Variants in VAMP3 observed in about 807,000 individuals in gnomAD.
VAMP3 encodes vesicle associated membrane protein 3.
In VAMP3, 11 loss-of-function variants were observed where a neutral mutation model predicts 18.1. That is an observed-to-expected ratio of 0.61 (90% CI 0.38 to 1.00). The LOEUF (loss-of-function observed/expected upper bound fraction) is 1.00. Ranked by LOEUF, VAMP3 falls within the 50% of genes least tolerant of loss-of-function variation. The probability of loss-of-function intolerance (pLI) is 0.01; values close to 1 mark genes in which losing one functional copy is unlikely to be tolerated. For missense variants in VAMP3, 122 were observed against 127.3 expected (o/e 0.96, Z 0.20); for synonymous variants, 49 against 43.1 (o/e 1.14, Z -0.53).
intron 3 of VAMP3, among the ~76,000 whole-genome samples, chr1:7,777,636 G>C (rs2097054936): frequency 6.6e-6 from 1 of 152,196 alleles, no homozygotes; most frequent in Non-Finnish European, 1.5e-5. Context: ...GGCTGGAATT[G>C]GTCAGTTTTC....
chr1:7,775,740 A>AGAATCCACAGTC (rs2097054027), intron 2 of VAMP3, among the ~76,000 whole-genome samples: 1 of 152,236 alleles, frequency 6.6e-6, no homozygotes, highest in African/African-American at 2.4e-5. Flanking sequence ...TTGGTATATA[A>AGAATCCACAGTC]GAATCCACAG....
intron 2 of VAMP3, among the ~76,000 whole-genome samples, chr1:7,774,300 C>T (rs931621027): frequency 2.6e-5 from 4 of 151,958 alleles, no homozygotes; most frequent in African/African-American, 9.7e-5. Context: ...AGTAAGAAAC[C>T]CATTGTAATT....
At position 7,781,078 on chromosome 1, in the gene VAMP3, C is replaced by G. The variant is rs1425933940; in HGVS notation, c.*1433C>G. On this transcript the variant is annotated 3_prime_UTR_variant, in exon 5 of 5. Coordinates refer to ENST00000054666, the MANE Select transcript of VAMP3 (RefSeq NM_004781.4). ...ATATTCTAAAACTCTTGTTCACATG[C>G]TATTATGACTTATAAAGCAGCAACA... 1 of 152,824 alleles carries G rather than the reference C, an allele frequency of 6.5e-6. No homozygotes were observed. Among genetic ancestry groups the G allele is most frequent in the Non-Finnish European group, 1.5e-5 (1 of 68,050 alleles). The allele number at this position is 152,824 out of a possible 1,614,324, so 9.5% of individuals were successfully genotyped here. A position where few individuals can be genotyped will look rare whatever the true frequency, so the allele number is the denominator to read the frequency against.
At chr1:7,777,020 A>C (rs1374155748) in intron 2 of VAMP3, 140 bp from the exon 3 acceptor site, 3 of 825,684 alleles carry the variant, frequency 3.6e-6, no homozygotes, top group South Asian at 2.6e-5. Flanking sequence ...CATGTTGGCC[A>C]GGTTGGTCTC....
intron 1 of VAMP3, among the ~76,000 whole-genome samples, chr1:7,771,713 G>A (rs1034564915): frequency 2.0e-5 from 3 of 152,258 alleles, no homozygotes; most frequent in African/African-American, 7.2e-5. Context: ...GGGGACGACA[G>A]CCCTGGTTCG....
intron 2 of VAMP3, among the ~76,000 whole-genome samples, chr1:7,775,297 T>C (rs2097053731): frequency 6.6e-6 from 1 of 152,212 alleles, no homozygotes; most frequent in African/African-American, 2.4e-5. Flanking sequence ...GATTTGCAAA[T>C]ACTTTCTCCC....
chr1:7,777,412 G>A, intron 3 of VAMP3, 94 bp downstream of exon 3: 1 of 1,465,484 alleles, frequency 6.8e-7, no homozygotes. Context: ...ACGACTCTGG[G>A]AGGTGGGTTT....
In VAMP3 at chr1:7,779,779, G is replaced by C. The variant is rs1423214770; in HGVS notation, c.*134G>C. The C allele has an allele frequency of 8.1e-7, 1 of 1,235,860 alleles. No individual in the cohort carries two copies. Among genetic ancestry groups the C allele is most frequent in the African/African-American group, 1.5e-5 (1 of 65,806 alleles). 76.6% of individuals were successfully genotyped at this position (1,235,860 alleles called of 1,614,324 possible). A position where few individuals can be genotyped will look rare whatever the true frequency, so the allele number is the denominator to read the frequency against. On this transcript the variant is annotated 3_prime_UTR_variant, in exon 5 of 5. Transcript: ENST00000054666. ...GTGTTAATGTAAAGTTGAATTTCTA[G>C]GAAACGTGCCTTTGTTTTTTAATAT...
intron 1 of VAMP3, 79 bp downstream of exon 1, chr1:7,771,464 T>TGCCGCCG: frequency 7.1e-7 from 1 of 1,417,530 alleles, no homozygotes. Context: ...ACTGCCCAGT[T>TGCCGCCG]GCCGCCGGCC....
chr1:7,775,241 G>GT (rs35677190), intron 2 of VAMP3, among the ~76,000 whole-genome samples: 35 of 152,220 alleles, frequency 2.3e-4, no homozygotes, highest in Admixed American at 5.9e-4. Context: ...AGTTGTGAGA[G>GT]TTTTTTATGT....
chr1:7,773,166 C>T (rs986832544), intron 1 of VAMP3: 1 of 399,950 alleles, frequency 2.5e-6, no homozygotes, highest in South Asian at 3.9e-5. Context: ...TAGAGCTTAC[C>T]TATCGTGGGA....
At chr1:7,779,293 C>T (rs564358264) in intron 4 of VAMP3, among the ~76,000 whole-genome samples, 5 of 152,210 alleles carry the variant, frequency 3.3e-5, no homozygotes, top group Non-Finnish European at 7.4e-5. Flanking sequence ...TATGTATACA[C>T]AAACACACAC....
intron 4 of VAMP3, 129 bp downstream of exon 4, chr1:7,778,298 C>A: frequency 9.0e-7 from 1 of 1,114,194 alleles, no homozygotes; most frequent in Non-Finnish European, 1.3e-6. Flanking sequence ...TGCGGTGACT[C>A]ATGCCTGTAA....
At chr1:7,775,038 T>C (rs1042932354) in intron 2 of VAMP3, among the ~76,000 whole-genome samples, 1 of 152,230 alleles carries the variant, frequency 6.6e-6, no homozygotes, top group Non-Finnish European at 1.5e-5. Context: ...CAAGAGTTCC[T>C]GTTTCTCCAC....
chr1:7,778,387 A>C (rs2097055379), intron 4 of VAMP3, among the ~76,000 whole-genome samples: 1 of 152,120 alleles, frequency 6.6e-6, no homozygotes, highest in South Asian at 2.1e-4. Flanking sequence ...TTAATAATTA[A>C]CCAGGCATGG....
intron 2 of VAMP3, among the ~76,000 whole-genome samples, chr1:7,775,091 T>A (rs1051859150): frequency 6.6e-6 from 1 of 152,240 alleles, no homozygotes; most frequent in African/African-American, 2.4e-5. Context: ...ATAACCATCC[T>A]ACTGAGCTCT....
At position 7,781,177 on chromosome 1, in the gene VAMP3, T is replaced by G. The variant is rs1345642505; in HGVS notation, c.*1532T>G. The G allele has an allele frequency of 1.3e-5, 2 of 152,800 alleles. No homozygotes were observed. Among genetic ancestry groups the G allele is most frequent in the African/African-American group, 4.8e-5 (2 of 41,434 alleles). 9.5% of individuals were successfully genotyped at this position (152,800 alleles called of 1,614,324 possible). ...TTAACATCGCTGAAATGATTTACTGTTGAAGAGATGCCTTGCGGTGTGGCC... is the reference window on the plus strand; with the variant it reads ...TTAACATCGCTGAAATGATTTACTGGTGAAGAGATGCCTTGCGGTGTGGCC... On this transcript the variant is annotated 3_prime_UTR_variant, in exon 5 of 5. Transcript: ENST00000054666.
rs752706951 is a variant in VAMP3 at position 7,778,151 on chromosome 1, TTCATCA to T, written c.277_282del (p.Ile93_Ile94del). 1.2e-6 allele frequency: 2 copies of T among 1,613,798 alleles called. No individual in the cohort carries two copies. The highest frequency in any genetic ancestry group is 1.7e-6 in the Non-Finnish European group (2 of 1,179,756). On this transcript the variant is annotated inframe_deletion, in exon 4 of 5. Transcript: ENST00000054666. ...AATCGGGATTACTGTTCTGGTTATCTTCATCATCATCATCATCGGTGAGTTACCCTT... is the reference window on the plus strand; with the variant it reads ...AATCGGGATTACTGTTCTGGTTATCTTCATCATCATCGGTGAGTTACCCTT...
intron 2 of VAMP3, among the ~76,000 whole-genome samples, chr1:7,774,769 G>C (rs1273214052): frequency 1.3e-5 from 2 of 152,186 alleles, no homozygotes; most frequent in African/African-American, 4.8e-5. Context: ...ATATTCCATT[G>C]TATGTGTATA....
Sources: gnomAD v4.1 joint callset for allele counts (sites outside exome capture counted in the v4.1 genomes callset) on GRCh38, gnomAD v4.1.1 for gene constraint, MANE v1.5 for transcripts, NCBI Gene and HGNC (gene_info 2026-07-23, HGNC 2026-07-21) for gene names.